Variants in KHDRBS2 observed in about 807,000 individuals in gnomAD.
KHDRBS2 encodes the protein KH domain-containing, RNA-binding, signal transduction-associated protein 2.
Under a neutral mutation model 44.3 loss-of-function variants are expected in KHDRBS2, and 26 were observed. The ratio of observed to expected loss-of-function variants is 0.59; its 90% CI spans 0.43 to 0.81. KHDRBS2 has a LOEUF of 0.81. Ranked by LOEUF, KHDRBS2 falls within the 40% of genes least tolerant of loss-of-function variation. The pLI is 0.00. For synonymous variants in KHDRBS2, 194 were observed against 151.1 expected, an observed-to-expected ratio of 1.28 and a Z score of -2.08; for missense variants, 476 against 433.1, an observed-to-expected ratio of 1.10 and a Z score of -0.88.
chr6:61,549,985 A>C, the KHDRBS2 span, among the ~76,000 whole-genome samples: 1 of 152,294 alleles, frequency 6.6e-6, no homozygotes, highest in Non-Finnish European at 1.5e-5. Context: ...ATTCTTTTTT[A>C]ATGTAAAAAG....
At chr6:61,695,989 A>G (rs1204623716) in intron 8 of KHDRBS2, among the ~76,000 whole-genome samples, 1 of 151,972 alleles carries the variant, frequency 6.6e-6, no homozygotes, top group Non-Finnish European at 1.5e-5. Context: ...TTTTTGTTAG[A>G]GACCGGGTCT....
At chr6:62,037,161 A>G (rs1785456877) in intron 3 of KHDRBS2, among the ~76,000 whole-genome samples, 1 of 151,956 alleles carries the variant, frequency 6.6e-6, no homozygotes, top group South Asian at 2.1e-4. Flanking sequence ...GTATTAAATA[A>G]AATGTGGATA....
chr6:61,546,874 C>A, the KHDRBS2 span, among the ~76,000 whole-genome samples: 3 of 152,144 alleles, frequency 2.0e-5, no homozygotes, highest in Middle Eastern at 0.01. Context: ...TTCTGTTTTA[C>A]AATAATTTGT....
At chr6:61,852,212 A>T (rs1219307947) in intron 6 of KHDRBS2, among the ~76,000 whole-genome samples, 2 of 151,008 alleles carry the variant, frequency 1.3e-5, no homozygotes, top group Non-Finnish European at 2.9e-5. Context: ...ATGGAACAAA[A>T]CTCCGTCCAA....
intron 6 of KHDRBS2, among the ~76,000 whole-genome samples, chr6:61,797,682 G>C: frequency 6.6e-6 from 1 of 150,944 alleles, no homozygotes; most frequent in Admixed American, 6.6e-5. Flanking sequence ...TCCTAAGAAA[G>C]AACAAAATAA....
chr6:61,831,018 T>G (rs368615374), intron 6 of KHDRBS2, among the ~76,000 whole-genome samples: 1 of 152,116 alleles, frequency 6.6e-6, no homozygotes, highest in Non-Finnish European at 1.5e-5. Flanking sequence ...AGTCCGAAAA[T>G]TTGAGAGAAA....
In KHDRBS2 at chr6:61,848,562, T is replaced by TATGTATATATATAC. The variant is rs1562295281; in HGVS notation, c.810+46072_810+46073insGTATATATATACAT. Among the ~76,000 whole-genome samples, 17 of 31,556 alleles carry TATGTATATATATAC rather than the reference T, an allele frequency of 5.4e-4. 1 individual carries two copies. The highest frequency in any genetic ancestry group is 2.7e-3 in the African/African-American group (17 of 6,304). 20.7% of individuals were successfully genotyped at this position (31,556 alleles called of 152,430 possible). On this transcript the variant is annotated intron_variant, in intron 6 of 8. Coordinates refer to ENST00000281156, the MANE Select transcript of KHDRBS2 (RefSeq NM_152688.4). The stretch of plus-strand genomic sequence containing the variant: ...ATATGTATATATATACATATATATA[T>TATGTATATATATAC]GTATATATATATACATATATATATA...
chr6:61,925,857 T>C (rs1221583465), intron 4 of KHDRBS2, among the ~76,000 whole-genome samples: 3 of 152,132 alleles, frequency 2.0e-5, no homozygotes, highest in African/African-American at 7.2e-5. Context: ...TAGTAACAGA[T>C]GGTTAGCACA....
At chr6:62,138,365 A>C (rs1309264106) in intron 2 of KHDRBS2, among the ~76,000 whole-genome samples, 1 of 152,226 alleles carries the variant, frequency 6.6e-6, no homozygotes, top group Non-Finnish European at 1.5e-5. Flanking sequence ...TAAAGCCAAT[A>C]TTGTTAAGAG....
chr6:62,080,760 T>C (rs1253660242), intron 2 of KHDRBS2, among the ~76,000 whole-genome samples: 1 of 152,114 alleles, frequency 6.6e-6, no homozygotes, highest in Admixed American at 6.6e-5. Flanking sequence ...TTTGGGTTAT[T>C]GATGAGCTTG....
intron 6 of KHDRBS2, among the ~76,000 whole-genome samples, chr6:61,751,924 C>T (rs1777756934): frequency 6.9e-6 from 1 of 145,490 alleles, no homozygotes; most frequent in African/African-American, 2.5e-5. Context: ...CTTGCTCTTT[C>T]CTCTGTGTAC....
intron 6 of KHDRBS2, among the ~76,000 whole-genome samples, chr6:61,825,762 T>G (rs777629145): frequency 6.6e-6 from 1 of 152,100 alleles, no homozygotes; most frequent in East Asian, 1.9e-4. Context: ...CTGTTGTCTA[T>G]GTGGGCTAGG....
chr6:62,036,687 G>A (rs1318696802), intron 3 of KHDRBS2, among the ~76,000 whole-genome samples: 6 of 152,010 alleles, frequency 3.9e-5, no homozygotes, highest in South Asian at 2.1e-4. Context: ...ACTAGTGAAA[G>A]CAAGCTGATT....
chr6:61,980,768 C>T (rs1184508505), intron 3 of KHDRBS2, among the ~76,000 whole-genome samples: 2 of 152,176 alleles, frequency 1.3e-5, no homozygotes, highest in Non-Finnish European at 2.9e-5. Flanking sequence ...CAGCCCAAAC[C>T]ACCACAACTC....
At chr6:61,747,524 C>T (rs1287598289) in intron 6 of KHDRBS2, among the ~76,000 whole-genome samples, 5 of 152,064 alleles carry the variant, frequency 3.3e-5, no homozygotes. Context: ...GCAATTTTTA[C>T]ACATTATTTC....
chr6:61,915,437 T>G (rs555196383), intron 4 of KHDRBS2, among the ~76,000 whole-genome samples: 37 of 152,028 alleles, frequency 2.4e-4, no homozygotes, highest in South Asian at 4.1e-4. Context: ...CCATAAGATC[T>G]TCTCATGAAG....
At chr6:62,108,540 G>T (rs891695867) in intron 2 of KHDRBS2, among the ~76,000 whole-genome samples, 1 of 152,092 alleles carries the variant, frequency 6.6e-6, no homozygotes. Context: ...TCAGTGTGGC[G>T]ATTCCTCAGG....
At chr6:61,570,382 A>AT in the KHDRBS2 span, among the ~76,000 whole-genome samples, 2 of 151,914 alleles carry the variant, frequency 1.3e-5, no homozygotes, top group African/African-American at 4.8e-5. Flanking sequence ...AGAAGAAAGA[A>AT]TTTTAAAAAA....
intron 2 of KHDRBS2, among the ~76,000 whole-genome samples, chr6:62,134,552 G>A (rs1472569120): frequency 6.6e-6 from 1 of 152,080 alleles, no homozygotes; most frequent in Non-Finnish European, 1.5e-5. Flanking sequence ...GTGAGAAGAG[G>A]GCCACCGTCC....
Sources: gnomAD v4.1 joint callset for allele counts (sites outside exome capture counted in the v4.1 genomes callset) on GRCh38, gnomAD v4.1.1 for gene constraint, MANE v1.5 for transcripts, NCBI Gene and HGNC (gene_info 2026-07-23, HGNC 2026-07-21) for gene names.